The following TLE3 variants were observed in gnomAD, a reference collection of about 807,000 sequenced individuals.
TLE3 encodes the protein TLE family member 3, transcriptional corepressor.
In TLE3, 14 loss-of-function variants were observed where a neutral mutation model predicts 93.0. The ratio of observed to expected loss-of-function variants is 0.15; its 90% CI spans 0.10 to 0.24. The LOEUF (loss-of-function observed/expected upper bound fraction) is 0.24, where lower values mean the gene tolerates loss of function less well. Ranked by LOEUF, TLE3 falls within the 10% of genes least tolerant of loss-of-function variation. The pLI is 1.00. For missense variants in TLE3, 693 were observed against 1,046.6 expected (o/e 0.66, Z 4.66); for synonymous variants, 451 against 425.0 (o/e 1.06, Z -0.75).
At chr15:70,091,580 C>T (rs1329493842) in intron 4 of TLE3, among the ~76,000 whole-genome samples, 1 of 152,158 alleles carries the variant, frequency 6.6e-6, no homozygotes, top group African/African-American at 2.4e-5. Context: ...GTAATCTTTG[C>T]TTTACCATAA....
Position 70,096,581 on chromosome 15 carries a change from C to A in TLE3, c.24+194G>T, listed in dbSNP as rs1596050627. The A allele has an allele frequency of 3.3e-6, 5 of 1,511,502 alleles. No homozygotes were observed. In the South Asian group the frequency reaches 6.0e-5, roughly 18 times the overall value. The allele number at this position is 1,511,502 out of a possible 1,614,324, so 93.6% of individuals were successfully genotyped here. ...CAGCTCCCCCTGGAACACAAGCAGCCCCCCGCGCCACTCGCGCGGAATTAA... is the reference window on the plus strand; with the variant it reads ...CAGCTCCCCCTGGAACACAAGCAGCACCCCGCGCCACTCGCGCGGAATTAA... On this transcript the variant is annotated intron_variant, in intron 1 of 19. Transcript: ENST00000451782.
At chr15:70,060,460 T>C in intron 9 of TLE3, 70 bp downstream of exon 9, 1 of 1,594,848 alleles carries the variant, frequency 6.3e-7, no homozygotes, top group South Asian at 1.1e-5. Flanking sequence ...TGGCCACAGC[T>C]TGGGCCCTGC....
chr15:70,060,084 C>T (rs2056364468), intron 9 of TLE3, among the ~76,000 whole-genome samples: 2 of 152,246 alleles, frequency 1.3e-5, no homozygotes, highest in Admixed American at 6.5e-5. Flanking sequence ...TAGGGTCTCA[C>T]GTGCCGGGGG....
At position 70,059,414 on chromosome 15, in the gene TLE3, T is replaced by C; in HGVS notation, c.761A>G (p.Asn254Ser). 1 of 1,610,622 alleles carries C rather than the reference T, an allele frequency of 6.2e-7. No homozygotes were observed. Among genetic ancestry groups the C allele is most frequent in the Non-Finnish European group, 8.5e-7 (1 of 1,178,460 alleles). Reference protein sequence around the residue: ...KSDDLVVDVSNEDPATPRVSP... With the variant: ...KSDDLVVDVSSEDPATPRVSP... ...TGCGACCGGGCCTGCCCATACCTCA[T>C]TGGAAACATCCACCACCAGATCATC... Residue 254 changes from asparagine to serine, a missense_variant, in exon 10 of 20, where the codon AAT becomes AGT. Asn to Ser is a conservative substitution (Grantham distance 46). Coordinates refer to ENST00000451782, the MANE Select transcript of TLE3 (RefSeq NM_001105192.3).
At chr15:70,080,963 CTAGT>C (rs978124914) in intron 4 of TLE3, among the ~76,000 whole-genome samples, 3 of 152,194 alleles carry the variant, frequency 2.0e-5, no homozygotes, top group African/African-American at 7.2e-5. Flanking sequence ...AGTCTGTCTG[CTAGT>C]TAGTTTTAAA....
chr15:70,068,648 A>C (rs1181534685), intron 6 of TLE3, among the ~76,000 whole-genome samples: 2 of 152,250 alleles, frequency 1.3e-5, no homozygotes, highest in African/African-American at 2.4e-5. Context: ...GCCTGCAGAC[A>C]CAGCTAACTC....
chr15:70,051,545 G>A, intron 18 of TLE3, 78 bp from the exon 19 acceptor site: 1 of 1,319,160 alleles, frequency 7.6e-7, no homozygotes, highest in South Asian at 1.3e-5. Context: ...GACATGGCCA[G>A]CTGCCATAGA....
chr15:70,057,991 A>C, intron 12 of TLE3, 168 bp downstream of exon 12: 2 of 1,145,260 alleles, frequency 1.7e-6, no homozygotes, highest in Non-Finnish European at 2.4e-6. Flanking sequence ...GGGTCCCAGA[A>C]ACCCTGGTGT....
intron 4 of TLE3, among the ~76,000 whole-genome samples, chr15:70,077,934 A>G (rs991152229): frequency 1.3e-5 from 2 of 152,186 alleles, no homozygotes; most frequent in Admixed American, 6.5e-5. Context: ...ACATTGACAC[A>G]TGTGTGGGGC....
intron 19 of TLE3, 137 bp downstream of exon 19, chr15:70,051,254 G>C: frequency 1.3e-6 from 1 of 777,344 alleles, no homozygotes; most frequent in Non-Finnish European, 2.0e-6. Context: ...AGGTAGGGGT[G>C]GGGAGGGGAC....
At chr15:70,091,673 A>G (rs945796961) in intron 4 of TLE3, among the ~76,000 whole-genome samples, 6 of 152,228 alleles carry the variant, frequency 3.9e-5, no homozygotes, top group Non-Finnish European at 8.8e-5. Flanking sequence ...AGAGAGAGAC[A>G]GAGAAACAGC....
chr15:70,064,022 C>A (rs1009503585), intron 8 of TLE3, among the ~76,000 whole-genome samples: 1 of 152,184 alleles, frequency 6.6e-6, no homozygotes, highest in African/African-American at 2.4e-5. Context: ...CAAAGCCCCT[C>A]GCAATGGAAG....
chr15:70,054,952 C>A, intron 15 of TLE3, 97 bp downstream of exon 15: 1 of 1,462,678 alleles, frequency 6.8e-7, no homozygotes, highest in Non-Finnish European at 9.1e-7. Flanking sequence ...TCAGCCAATA[C>A]GATGCTGAGC....
chr15:70,054,943 C>T, intron 15 of TLE3, 106 bp downstream of exon 15: 1 of 1,446,406 alleles, frequency 6.9e-7, no homozygotes, highest in Non-Finnish European at 9.1e-7. Context: ...TAAAGTTGCT[C>T]AGCCAATACG....
Position 70,055,169 on chromosome 15 carries a change from C to A in TLE3, c.1458G>T (p.Val486=), listed in dbSNP as rs776949492. 1.4e-5 allele frequency: 23 copies of A among 1,614,086 alleles called. No individual in the cohort carries two copies. The East Asian group carries it at 4.7e-4, about 33-fold the overall frequency. The change falls in exon 15 of 20, where the codon GTG becomes GTT. Residue 486 remains valine, a synonymous_variant. Transcript: ENST00000451782. ...TGGGGTTGCTGATGGTCACGGCACA[C>A]ACCACCTCCCCGTGGCTGAGTGTGT... ...QINTLSHGEV[V]CAVTISNPTR...
chr15:70,060,691 C>T (rs772832702), intron 8 of TLE3, 42 bp from the exon 9 acceptor site: 145 of 1,606,542 alleles, frequency 9.0e-5, no homozygotes, highest in Middle Eastern at 5.0e-4. Flanking sequence ...CTTTCTGCTG[C>T]GTGTAACAAT....
At chr15:70,087,555 G>A (rs377128024) in intron 4 of TLE3, among the ~76,000 whole-genome samples, 2 of 152,214 alleles carry the variant, frequency 1.3e-5, no homozygotes, top group East Asian at 3.9e-4. Flanking sequence ...CAGAACACTG[G>A]ATCCTATCCT....
At position 70,064,394 on chromosome 15, in the gene TLE3, G is replaced by A. The variant is rs541473052; in HGVS notation, c.594+60C>T. 62 of 1,605,580 alleles carry A rather than the reference G, an allele frequency of 3.9e-5. No homozygotes were observed. The African/African-American group carries it at 4.4e-4, about 11-fold the overall frequency. On this transcript the variant is annotated intron_variant, in intron 8 of 19. Transcript: ENST00000451782. ...TCAGGCCCGCGATTCTGGGAGCCCC[G>A]AGTCCCACCTCCTCCCAGCACCCAA...
At chr15:70,070,622 T>G (rs762626907) in intron 6 of TLE3, among the ~76,000 whole-genome samples, 5 of 152,204 alleles carry the variant, frequency 3.3e-5, no homozygotes, top group Non-Finnish European at 7.3e-5. Flanking sequence ...TAGCTTTTAG[T>G]GCTCACAACA....
Sources: gnomAD v4.1 joint callset for allele counts (sites outside exome capture counted in the v4.1 genomes callset) on GRCh38, gnomAD v4.1.1 for gene constraint, MANE v1.5 for transcripts, NCBI Gene and HGNC (gene_info 2026-07-23, HGNC 2026-07-21) for gene names.